The following UBAC2 variants were observed in gnomAD, a reference collection of about 807,000 sequenced individuals.
UBAC2 encodes the protein ubiquitin-associated domain-containing protein 2.
Under a neutral mutation model 44.0 loss-of-function variants are expected in UBAC2, and 26 were observed. The ratio of observed to expected loss-of-function variants is 0.59; its 90% CI spans 0.43 to 0.82. The LOEUF (loss-of-function observed/expected upper bound fraction) is 0.82, where lower values mean the gene tolerates loss of function less well. UBAC2 is among the 40% of genes least tolerant of loss of function. UBAC2 has a pLI of 0.00. For synonymous variants in UBAC2, 155 were observed against 154.3 expected, an observed-to-expected ratio of 1.00 and a Z score of -0.04; for missense variants, 329 against 419.4, an observed-to-expected ratio of 0.78 and a Z score of 1.88.
At chr13:99,202,768 T>A (rs1484792092) in intron 1 of UBAC2, among the ~76,000 whole-genome samples, 1 of 152,170 alleles carries the variant, frequency 6.6e-6, no homozygotes, top group African/African-American at 2.4e-5. Context: ...TAAGAGTTGT[T>A]GGGATGGCCG....
intron 2 of UBAC2, among the ~76,000 whole-genome samples, chr13:99,242,110 A>T (rs867010868): frequency 3.5e-4 from 53 of 152,136 alleles, no homozygotes; most frequent in African/African-American, 1.2e-3. Context: ...AGTACAGAAC[A>T]AAATGAAAAG....
chr13:99,219,137 C>A (rs1041542333), intron 1 of UBAC2, among the ~76,000 whole-genome samples: 1 of 152,158 alleles, frequency 6.6e-6, no homozygotes, highest in African/African-American at 2.4e-5. Context: ...GCGGCTCCTC[C>A]TCTCAAGGGT....
intron 4 of UBAC2, among the ~76,000 whole-genome samples, chr13:99,285,273 C>T (rs549930911): frequency 2.6e-4 from 40 of 152,146 alleles, no homozygotes; most frequent in Non-Finnish European, 5.7e-4. Context: ...GCTGCTGCTC[C>T]TCCTGCTCCT....
chr13:99,379,938 G>A (rs1384006070), intron 8 of UBAC2, among the ~76,000 whole-genome samples: 3 of 152,318 alleles, frequency 2.0e-5, no homozygotes, highest in South Asian at 2.1e-4. Context: ...AGTGAGTGAC[G>A]CACGTGGGTT....
At chr13:99,358,700 A>T (rs1238735774) in intron 7 of UBAC2, among the ~76,000 whole-genome samples, 1 of 152,202 alleles carries the variant, frequency 6.6e-6, no homozygotes, top group Non-Finnish European at 1.5e-5. Context: ...CTGTGGTCTC[A>T]CACGGGGCAG....
intron 4 of UBAC2, among the ~76,000 whole-genome samples, chr13:99,249,087 A>G (rs1395842572): frequency 6.6e-6 from 1 of 152,126 alleles, no homozygotes; most frequent in Non-Finnish European, 1.5e-5. Flanking sequence ...AGTATATTGC[A>G]TGATGCTGAG....
intron 4 of UBAC2, among the ~76,000 whole-genome samples, chr13:99,298,389 T>C (rs1357195356): frequency 1.3e-5 from 2 of 152,230 alleles, no homozygotes; most frequent in East Asian, 3.9e-4. Flanking sequence ...AATACACTTC[T>C]AAGGAACTCA....
At chr13:99,310,588 T>C (rs1467641592) in intron 4 of UBAC2, among the ~76,000 whole-genome samples, 1 of 152,188 alleles carries the variant, frequency 6.6e-6, no homozygotes, top group Non-Finnish European at 1.5e-5. Context: ...CAACGGAAAA[T>C]TTCTGCAGAA....
intron 7 of UBAC2, among the ~76,000 whole-genome samples, chr13:99,340,881 A>G (rs1177841811): frequency 1.3e-5 from 2 of 152,264 alleles, no homozygotes; most frequent in Admixed American, 1.3e-4. Flanking sequence ...ATAATCTTGT[A>G]AAAGCCACAG....
chr13:99,215,192 G>T (rs747906490), intron 1 of UBAC2, among the ~76,000 whole-genome samples: 4 of 152,136 alleles, frequency 2.6e-5, no homozygotes, highest in Non-Finnish European at 5.9e-5. Flanking sequence ...ACTTAAATAT[G>T]GTTAAGACTC....
At chr13:99,350,771 G>T (rs994355523) in intron 7 of UBAC2, among the ~76,000 whole-genome samples, 2 of 152,358 alleles carry the variant, frequency 1.3e-5, no homozygotes. Flanking sequence ...GGTTAGAACC[G>T]CAGGTTAGGT....
At chr13:99,357,967 G>A (rs1444375351) in intron 7 of UBAC2, among the ~76,000 whole-genome samples, 1 of 152,200 alleles carries the variant, frequency 6.6e-6, no homozygotes, top group Non-Finnish European at 1.5e-5. Flanking sequence ...CTACAAACAG[G>A]ACAAGATGGA....
chr13:99,225,207 G>A (rs2043097755), intron 1 of UBAC2, among the ~76,000 whole-genome samples: 1 of 152,140 alleles, frequency 6.6e-6, no homozygotes, highest in African/African-American at 2.4e-5. Flanking sequence ...TAGTCCAGTA[G>A]TATTAAGTAC....
intron 4 of UBAC2, among the ~76,000 whole-genome samples, chr13:99,271,324 G>A (rs1407497052): frequency 1.3e-5 from 2 of 152,204 alleles, no homozygotes; most frequent in African/African-American, 4.8e-5. Context: ...TGTGAGCTAT[G>A]TGGAGATATT....
At chr13:99,206,632 G>A (rs984086064) in intron 1 of UBAC2, among the ~76,000 whole-genome samples, 5 of 152,130 alleles carry the variant, frequency 3.3e-5, no homozygotes, top group African/African-American at 9.7e-5. Context: ...TGGCACGTCT[G>A]TTCTGTGGTG....
intron 4 of UBAC2, among the ~76,000 whole-genome samples, chr13:99,311,955 C>G (rs1350323175): frequency 6.6e-6 from 1 of 152,262 alleles, no homozygotes; most frequent in East Asian, 1.9e-4. Context: ...ATCCTTCTCA[C>G]TGGATGGCTA....
chr13:99,269,428 T>C (rs2043789254), intron 4 of UBAC2, among the ~76,000 whole-genome samples: 1 of 152,198 alleles, frequency 6.6e-6, no homozygotes, highest in Non-Finnish European at 1.5e-5. Flanking sequence ...TGTAGAGTTA[T>C]TATTATATTT....
intron 4 of UBAC2, chr13:99,255,995 A>G: frequency 1.1e-6 from 1 of 889,954 alleles, no homozygotes; most frequent in South Asian, 1.8e-5. Flanking sequence ...ACTGCCAGTG[A>G]ATTTTAAGTT....
chr13:99,339,751 G>C (rs2044855404), intron 6 of UBAC2, among the ~76,000 whole-genome samples: 2 of 151,960 alleles, frequency 1.3e-5, no homozygotes, highest in Admixed American at 1.3e-4. Flanking sequence ...ATGAAGACAA[G>C]GTTGGTTTAT....
Sources: gnomAD v4.1 joint callset for allele counts (sites outside exome capture counted in the v4.1 genomes callset) on GRCh38, gnomAD v4.1.1 for gene constraint, MANE v1.5 for transcripts, NCBI Gene and HGNC (gene_info 2026-07-23, HGNC 2026-07-21) for gene names.